DNAJC6: variants seen among roughly 807,000 people sequenced by gnomAD.
The protein encoded by DNAJC6 is DnaJ heat shock protein family (Hsp40) member C6, also known as auxilin.
DNAJC6 carries 34 observed loss-of-function variants against 110.0 expected under a neutral mutation model. The observed-to-expected ratio is 0.31, with a 90% CI of 0.24 to 0.41. The LOEUF is 0.41. Ranked by LOEUF, DNAJC6 falls within the 10% of genes least tolerant of loss-of-function variation. The pLI, the probability that DNAJC6 is intolerant of heterozygous loss-of-function variation, is 1.00. For missense variants in DNAJC6, 1,031 were observed against 1,207.8 expected, an observed-to-expected ratio of 0.85 and a Z score of 2.17; for synonymous variants, 406 against 437.2, an observed-to-expected ratio of 0.93 and a Z score of 0.89.
rs1279474440 is a variant in DNAJC6 at position 65,398,877 on chromosome 1, A to C, written c.2103A>C (p.Lys701Asn). The C allele has an allele frequency of 1.2e-6, 2 of 1,614,042 alleles. No homozygotes were observed. Among genetic ancestry groups the C allele is most frequent in the Admixed American group, 3.3e-5 (2 of 60,012 alleles). ...CTGGAGGTTGGGACTGGCATGCTAA[A>C]CCAGGTAAAAGCAGGTTATTTTCTG... Reference protein sequence around the residue: ...DVSGGWDWHAKPGGFGMGSKS... With the variant: ...DVSGGWDWHANPGGFGMGSKS... The change falls in exon 14 of 19, where the codon AAA becomes AAC. Residue 701 changes from lysine (K) to asparagine (N), a missense_variant. By Grantham distance (94) the Lys-to-Asn change is moderately conservative (BLOSUM62 0). Coordinates refer to ENST00000371069, the MANE Select transcript of DNAJC6 (RefSeq NM_001256864.2).
intron 1 of DNAJC6, among the ~76,000 whole-genome samples, chr1:65,351,869 A>G (rs1413671447): frequency 1.3e-5 from 2 of 152,028 alleles, no homozygotes; most frequent in African/African-American, 4.8e-5. Flanking sequence ...GGTTCAAGCA[A>G]TTCTCCTGCT....
intron 7 of DNAJC6, 119 bp from the exon 8 acceptor site, chr1:65,386,693 T>C: frequency 1.2e-6 from 1 of 814,252 alleles, no homozygotes; most frequent in Non-Finnish European, 2.0e-6. Context: ...AAATAGTTTC[T>C]GGGTCCGGGC....
At chr1:65,351,478 A>C (rs7526692) in intron 1 of DNAJC6, among the ~76,000 whole-genome samples, 61 of 152,162 alleles carry the variant, frequency 4.0e-4, no homozygotes, top group Middle Eastern at 6.8e-3. Flanking sequence ...AAGTAGCCCC[A>C]GCTTTCTGAG....
intron 1 of DNAJC6, among the ~76,000 whole-genome samples, chr1:65,355,906 CT>C (rs1645539119): frequency 3.6e-5 from 1 of 27,934 alleles, no homozygotes; most frequent in Non-Finnish European, 7.4e-5. Flanking sequence ...TTTTTTTTTT[CT>C]GGCCAAGGCT....
At chr1:65,281,211 G>A (rs547423900) in intron 1 of DNAJC6, among the ~76,000 whole-genome samples, 1 of 152,250 alleles carries the variant, frequency 6.6e-6, no homozygotes, top group African/African-American at 2.4e-5. Flanking sequence ...ACAAGCCTTA[G>A]CCACTGTGCC....
intron 1 of DNAJC6, among the ~76,000 whole-genome samples, chr1:65,324,490 C>T (rs985833127): frequency 1.3e-5 from 2 of 152,070 alleles, no homozygotes; most frequent in Non-Finnish European, 2.9e-5. Context: ...TCCTGAGTAG[C>T]TGGGATTATA....
intron 7 of DNAJC6, 59 bp downstream of exon 7, chr1:65,385,965 G>A: frequency 7.1e-7 from 1 of 1,402,634 alleles, no homozygotes. Flanking sequence ...TAAATGAGCA[G>A]GAATGAGTTG....
At chr1:65,287,395 G>A (rs995760812) in intron 1 of DNAJC6, among the ~76,000 whole-genome samples, 1 of 152,050 alleles carries the variant, frequency 6.6e-6, no homozygotes, top group Non-Finnish European at 1.5e-5. Flanking sequence ...GTTCATTTTG[G>A]CCTCACTTCC....
At chr1:65,351,769 AT>A (rs891670138) in intron 1 of DNAJC6, among the ~76,000 whole-genome samples, 6 of 152,128 alleles carry the variant, frequency 3.9e-5, no homozygotes, top group East Asian at 1.9e-4. Context: ...AGTTATATAT[AT>A]TTTTTTTTTC....
At chr1:65,387,313 A>T (rs1172706921) in intron 8 of DNAJC6, among the ~76,000 whole-genome samples, 1 of 152,246 alleles carries the variant, frequency 6.6e-6, no homozygotes, top group South Asian at 2.1e-4. Flanking sequence ...AGATAAAACC[A>T]CATAACATAA....
intron 2 of DNAJC6, 74 bp from the exon 3 acceptor site, chr1:65,365,811 C>T (rs923555655): frequency 6.5e-7 from 1 of 1,528,672 alleles, no homozygotes; most frequent in Non-Finnish European, 9.0e-7. Context: ...TTCATATGCG[C>T]AAGTGATTGA....
In DNAJC6 at chr1:65,377,780, A is replaced by G. The variant is rs144190165; in HGVS notation, c.544-1622A>G. ...TTTGATTATTTATTATCTGATTACC[A>G]GAAAAGGGCTAATCAAACAAATTCC... On this transcript the variant is annotated intron_variant, in intron 4 of 18. Coordinates refer to ENST00000371069, the MANE Select transcript of DNAJC6 (RefSeq NM_001256864.2). Among the ~76,000 whole-genome samples the G allele has an allele frequency of 7.9e-5, 12 of 152,376 alleles. No individual in the cohort carries two copies. In the East Asian group the frequency reaches 2.3e-3, roughly 29 times the overall value.
At chr1:65,264,923 G>A in exon 1 of DNAJC6, 3 of 1,613,368 alleles carry the variant, frequency 1.9e-6, no homozygotes, top group Non-Finnish European at 1.7e-6. Flanking sequence ...GAAAGATTCT[G>A]AAAATAAAGG....
chr1:65,400,132 A>T (rs1646016785), intron 14 of DNAJC6, among the ~76,000 whole-genome samples: 1 of 151,828 alleles, frequency 6.6e-6, no homozygotes, highest in Non-Finnish European at 1.5e-5. Flanking sequence ...GTGAGCCGAG[A>T]TCACACCACT....
At chr1:65,333,296 A>G (rs974692942) in intron 1 of DNAJC6, among the ~76,000 whole-genome samples, 5 of 152,168 alleles carry the variant, frequency 3.3e-5, no homozygotes, top group Middle Eastern at 3.2e-3. Flanking sequence ...TTGGTGAAAT[A>G]AATGGACTCG....
At chr1:65,393,145 T>C (rs1199130952) in intron 12 of DNAJC6, among the ~76,000 whole-genome samples, 1 of 152,244 alleles carries the variant, frequency 6.6e-6, no homozygotes, top group Non-Finnish European at 1.5e-5. Context: ...GCTGCATTAG[T>C]CTGCTTAAAC....
At chr1:65,380,904 G>T (rs964434031) in intron 5 of DNAJC6, among the ~76,000 whole-genome samples, 152 of 106,922 alleles carry the variant, frequency 1.4e-3, no homozygotes, top group African/African-American at 6.1e-3. Context: ...TTTTTTTTTT[G>T]TTTTTTGTTT....
intron 1 of DNAJC6, among the ~76,000 whole-genome samples, chr1:65,267,083 G>A (rs1360848436): frequency 1.3e-5 from 2 of 152,082 alleles, no homozygotes; most frequent in African/African-American, 4.8e-5. Flanking sequence ...TTTTAGTAGA[G>A]ATGGGGTTTC....
At chr1:65,389,721 G>A in intron 11 of DNAJC6, 94 bp downstream of exon 11, 5 of 1,338,474 alleles carry the variant, frequency 3.7e-6, no homozygotes, top group South Asian at 2.5e-5. Flanking sequence ...CATTAAAGCA[G>A]CACTTAGAGG....
Sources: allele counts gnomAD v4.1 joint callset (sites outside exome capture counted in the v4.1 genomes callset), GRCh38; gene constraint gnomAD v4.1.1; transcripts MANE v1.5; gene names NCBI Gene and HGNC (gene_info 2026-07-23, HGNC 2026-07-21).